The following FUT8 variants were observed in gnomAD, a reference collection of about 807,000 sequenced individuals.
FUT8 encodes the protein fucosyltransferase 8.
Under a neutral mutation model 71.3 loss-of-function variants are expected in FUT8, and 29 were observed. The observed-to-expected ratio is 0.41, with a 90% CI of 0.30 to 0.55. FUT8 has a LOEUF of 0.55. Ranked by LOEUF, FUT8 falls within the 20% of genes least tolerant of loss-of-function variation. The probability of loss-of-function intolerance (pLI) is 0.34; values close to 1 mark genes in which losing one functional copy is unlikely to be tolerated. For missense variants in FUT8, 544 were observed against 702.1 expected (o/e 0.77, Z 2.55); for synonymous variants, 254 against 239.3 (o/e 1.06, Z -0.57).
At chr14:65,430,033 T>G (rs561626205) in intron 1 of FUT8, among the ~76,000 whole-genome samples, 145 of 151,960 alleles carry the variant, frequency 9.5e-4, no homozygotes, top group African/African-American at 2.8e-3. Context: ...TTTGTTTTTT[T>G]TTTTGAGACA....
intron 1 of FUT8, among the ~76,000 whole-genome samples, chr14:65,446,024 A>G (rs1306945488): frequency 3.3e-5 from 5 of 152,374 alleles, no homozygotes; most frequent in Non-Finnish European, 7.3e-5. Context: ...ATAGGTAACA[A>G]CTATCATTTA....
At chr14:65,401,559 T>A in the FUT8 span, among the ~76,000 whole-genome samples, 2 of 152,134 alleles carry the variant, frequency 1.3e-5, no homozygotes, top group Admixed American at 6.6e-5. Context: ...GATGAAATTA[T>A]AAGGGATCCA....
At chr14:65,528,356 G>A (rs529835825) in intron 2 of FUT8, among the ~76,000 whole-genome samples, 2 of 152,356 alleles carry the variant, frequency 1.3e-5, no homozygotes, top group African/African-American at 4.8e-5. Context: ...GCCAGGCGCG[G>A]GATATAATCT....
chr14:65,641,580 CTGTT>C (rs773642437), intron 6 of FUT8, among the ~76,000 whole-genome samples: 13 of 152,214 alleles, frequency 8.5e-5, no homozygotes, highest in African/African-American at 2.4e-4. Context: ...TTTTAAGAAA[CTGTT>C]TGAACTGTTT....
intron 1 of FUT8, among the ~76,000 whole-genome samples, chr14:65,416,616 T>C (rs2065222700): frequency 1.3e-5 from 2 of 152,158 alleles, no homozygotes; most frequent in Non-Finnish European, 2.9e-5. Flanking sequence ...GGAGTTTGAA[T>C]TGTTTTTACA....
chr14:65,501,177 A>C (rs2066640449), intron 2 of FUT8, among the ~76,000 whole-genome samples: 1 of 152,350 alleles, frequency 6.6e-6, no homozygotes, highest in South Asian at 2.1e-4. Flanking sequence ...CAGGAGTTTG[A>C]GACCAGCCTG....
At chr14:65,697,628 C>CT (rs1894060578) in intron 7 of FUT8, among the ~76,000 whole-genome samples, 2 of 152,278 alleles carry the variant, frequency 1.3e-5, no homozygotes, top group Admixed American at 1.3e-4. Context: ...TAGTAATCAT[C>CT]ACAAACAGCT....
rs371276044 is a variant in FUT8 at position 65,636,923 on chromosome 14, C to G, written c.597+7317C>G. On this transcript the variant is annotated intron_variant, in intron 6 of 10. Transcript: ENST00000673929. ...AAACTGATTAAAAGATTATAATACT[C>G]GGATTGAAGACAACCCTAATAGACA... Among the ~76,000 whole-genome samples the G allele has an allele frequency of 1.6e-3, 242 of 152,260 alleles. 15 individuals carry two copies. In the South Asian group the frequency reaches 0.048, roughly 30 times the overall value.
intron 3 of FUT8, among the ~76,000 whole-genome samples, chr14:65,577,984 G>T (rs1886882821): frequency 6.6e-6 from 1 of 151,946 alleles, no homozygotes; most frequent in Non-Finnish European, 1.5e-5. Flanking sequence ...TCACTACCCA[G>T]ACCTCTAGGG....
At chr14:65,567,137 A>C (rs1886237778) in intron 3 of FUT8, among the ~76,000 whole-genome samples, 3 of 151,966 alleles carry the variant, frequency 2.0e-5, no homozygotes, top group African/African-American at 4.8e-5. Flanking sequence ...AAAAAAATTC[A>C]AATGTGGCTT....
At chr14:65,665,635 A>G (rs1317152667) in intron 6 of FUT8, among the ~76,000 whole-genome samples, 1 of 152,200 alleles carries the variant, frequency 6.6e-6, no homozygotes, top group African/African-American at 2.4e-5. Context: ...ATGTATGCAT[A>G]TGTTCATTGC....
chr14:65,421,236 T>C (rs1262401011), intron 1 of FUT8, among the ~76,000 whole-genome samples: 1 of 147,750 alleles, frequency 6.8e-6, no homozygotes, highest in Non-Finnish European at 1.5e-5. Context: ...AGAGAGAATA[T>C]ATTTACTCTT....
At chr14:65,647,976 C>T (rs571883074) in intron 6 of FUT8, among the ~76,000 whole-genome samples, 1 of 152,158 alleles carries the variant, frequency 6.6e-6, no homozygotes, top group South Asian at 2.1e-4. Flanking sequence ...TTTCTGCCCA[C>T]TTTGTTGGAG....
At chr14:65,443,779 A>T (rs964625504) in intron 1 of FUT8, among the ~76,000 whole-genome samples, 1 of 151,908 alleles carries the variant, frequency 6.6e-6, no homozygotes, top group African/African-American at 2.4e-5. Context: ...GAGTAATATA[A>T]ACTCCTTGAG....
chr14:65,524,968 C>T (rs1403661107), intron 2 of FUT8, among the ~76,000 whole-genome samples: 2 of 152,156 alleles, frequency 1.3e-5, no homozygotes, highest in East Asian at 1.9e-4. Context: ...CTGCTGGATT[C>T]GGTTTGCCAG....
At chr14:65,738,084 A>T (rs1050379740) in intron 10 of FUT8, among the ~76,000 whole-genome samples, 4 of 152,134 alleles carry the variant, frequency 2.6e-5, no homozygotes, top group Non-Finnish European at 5.9e-5. Flanking sequence ...GAAGACAAGA[A>T]AAGTATTTGC....
chr14:65,383,464 G>A, the FUT8 span, among the ~76,000 whole-genome samples: 4 of 151,816 alleles, frequency 2.6e-5, no homozygotes, highest in African/African-American at 4.8e-5. Flanking sequence ...TAGTAGAGAC[G>A]GGGTTTCACC....
intron 2 of FUT8, among the ~76,000 whole-genome samples, chr14:65,544,131 A>T (rs540708571): frequency 6.6e-6 from 1 of 152,300 alleles, no homozygotes; most frequent in Admixed American, 6.5e-5. Flanking sequence ...AATTATAAGA[A>T]TGAGCCAAAG....
intron 6 of FUT8, among the ~76,000 whole-genome samples, chr14:65,661,213 C>T (rs956941770): frequency 6.6e-6 from 1 of 152,234 alleles, no homozygotes; most frequent in Middle Eastern, 3.4e-3. Flanking sequence ...ACAGAAATAG[C>T]CAGATAGGTG....
Sources: gnomAD v4.1 joint callset for allele counts (sites outside exome capture counted in the v4.1 genomes callset) on GRCh38, gnomAD v4.1.1 for gene constraint, MANE v1.5 for transcripts, NCBI Gene and HGNC (gene_info 2026-07-23, HGNC 2026-07-21) for gene names.